Variants in BTLA observed in about 807,000 individuals in gnomAD.
BTLA encodes the protein B and T lymphocyte associated, also known as B- and T-lymphocyte attenuator.
Under a neutral mutation model 25.0 loss-of-function variants are expected in BTLA, and 11 were observed. The observed-to-expected ratio is 0.44, with a 90% CI of 0.28 to 0.73. The LOEUF is 0.73. Ranked by LOEUF, BTLA falls within the 30% of genes least tolerant of loss-of-function variation. The pLI, the probability that BTLA is intolerant of heterozygous loss-of-function variation, is 0.15. For missense variants in BTLA, 282 were observed against 332.8 expected, an observed-to-expected ratio of 0.85 and a Z score of 1.19; for synonymous variants, 104 against 119.8, an observed-to-expected ratio of 0.87 and a Z score of 0.86.
chr3:112,487,302 C>T (rs748913498), intron 1 of BTLA, among the ~76,000 whole-genome samples: 4 of 152,150 alleles, frequency 2.6e-5, no homozygotes, highest in African/African-American at 4.8e-5. Context: ...AAAAGGAAAC[C>T]GGCCGGGCGT....
intron 2 of BTLA, among the ~76,000 whole-genome samples, chr3:112,477,404 C>T (rs1298203310): frequency 6.6e-6 from 1 of 150,694 alleles, no homozygotes; most frequent in Admixed American, 6.6e-5. Context: ...AGTGGGTTTT[C>T]ACTGTGACTT....
intron 1 of BTLA, among the ~76,000 whole-genome samples, chr3:112,486,576 A>G (rs2082349177): frequency 6.6e-6 from 1 of 152,220 alleles, no homozygotes; most frequent in Admixed American, 6.5e-5. Context: ...CTGATATAAT[A>G]GTTTATGTAA....
intron 2 of BTLA, among the ~76,000 whole-genome samples, chr3:112,472,297 A>C (rs528154873): frequency 1.3e-5 from 2 of 152,122 alleles, no homozygotes; most frequent in East Asian, 3.9e-4. Context: ...AAACTTTTTT[A>C]TATTTGTGTG....
At chr3:112,498,329 C>A (rs547110973) in intron 1 of BTLA, among the ~76,000 whole-genome samples, 25 of 151,588 alleles carry the variant, frequency 1.6e-4, no homozygotes, top group Middle Eastern at 3.5e-3. Context: ...ATAAATTGAA[C>A]CCGGGAGGAA....
chr3:112,493,251 A>G (rs1203438295), intron 1 of BTLA, among the ~76,000 whole-genome samples: 1 of 152,218 alleles, frequency 6.6e-6, no homozygotes, highest in Non-Finnish European at 1.5e-5. Context: ...AGAGTAGATA[A>G]TGCTTTTGGC....
intron 1 of BTLA, 74 bp downstream of exon 1, chr3:112,499,197 T>C (rs2082427913): frequency 7.4e-6 from 8 of 1,082,070 alleles, no homozygotes; most frequent in Non-Finnish European, 9.9e-6. Flanking sequence ...CCGTACTAAG[T>C]TCAGCAAGGG....
At position 112,479,548 on chromosome 3, in the gene BTLA, G is replaced by T; in HGVS notation, c.310C>A (p.Pro104Thr). 7 of 1,613,998 alleles carry T rather than the reference G, an allele frequency of 4.3e-6. No homozygotes were observed. Among genetic ancestry groups the T allele is most frequent in the Non-Finnish European group, 5.9e-6 (7 of 1,179,884 alleles). The stretch of plus-strand genomic sequence containing the variant: ...GACCCATTGTCATTAGGAAGCACTG[G>T]TTCAAAATGTAGAATGAAAAATGAA... Reference protein sequence around the residue: ...NISFFILHFEPVLPNDNGSYR... With the variant: ...NISFFILHFETVLPNDNGSYR... The change falls in exon 2 of 5, where the codon CCA becomes ACA. Residue 104 changes from proline (P) to threonine (T), a missense_variant. Transcript: ENST00000334529.
At chr3:112,487,617 G>C (rs2082355602) in intron 1 of BTLA, among the ~76,000 whole-genome samples, 1 of 151,940 alleles carries the variant, frequency 6.6e-6, no homozygotes, top group Non-Finnish European at 1.5e-5. Flanking sequence ...ACTTTTAGTT[G>C]TTTTTAAATT....
intron 1 of BTLA, among the ~76,000 whole-genome samples, chr3:112,488,067 T>C (rs1323380478): frequency 6.6e-6 from 1 of 151,922 alleles, no homozygotes. Context: ...ATGTCTTCCA[T>C]ATTTGTTTCC....
At chr3:112,475,526 C>G (rs970698762) in intron 2 of BTLA, among the ~76,000 whole-genome samples, 2 of 152,172 alleles carry the variant, frequency 1.3e-5, no homozygotes, top group Non-Finnish European at 2.9e-5. Flanking sequence ...CACCTTTATG[C>G]ACTTTACAAA....
chr3:112,466,323 G>T lies in BTLA; in HGVS notation c.655C>A (p.Leu219Met), dbSNP rs2082226592. 2 of 1,613,654 alleles carry T rather than the reference G, an allele frequency of 1.2e-6. No individual in the cohort carries two copies. The highest frequency in any genetic ancestry group is 1.7e-6 in the Non-Finnish European group (2 of 1,179,760). ...TCATAAATTCCAGTTTCTGATAGCAGTACTTGGGAATTTTGCCTGGTGCTT... is the reference window on the plus strand; with the variant it reads ...TCATAAATTCCAGTTTCTGATAGCATTACTTGGGAATTTTGCCTGGTGCTT... Reference protein sequence around the residue: ...EASTRQNSQVLLSETGIYDND... With the variant: ...EASTRQNSQVMLSETGIYDND... Residue 219 changes from leucine to methionine, a missense_variant, in exon 5 of 5, where the codon CTG (leucine) becomes ATG (methionine). Leu to Met is a conservative substitution (Grantham distance 15). Coordinates refer to ENST00000334529, the MANE Select transcript of BTLA (RefSeq NM_181780.4).
chr3:112,492,610 C>T (rs2082386153), intron 1 of BTLA, among the ~76,000 whole-genome samples: 1 of 152,240 alleles, frequency 6.6e-6, no homozygotes, highest in East Asian at 1.9e-4. Context: ...ATCTCTAATA[C>T]ATTCTACCAC....
chr3:112,493,296 A>C (rs777841280), intron 1 of BTLA, among the ~76,000 whole-genome samples: 1 of 152,218 alleles, frequency 6.6e-6, no homozygotes, highest in Non-Finnish European at 1.5e-5. Flanking sequence ...CATAAATGCC[A>C]AAAGCAATTG....
At chr3:112,484,000 A>G (rs1367114904) in intron 1 of BTLA, among the ~76,000 whole-genome samples, 2 of 151,866 alleles carry the variant, frequency 1.3e-5, no homozygotes, top group African/African-American at 2.4e-5. Context: ...ACAACTTTGC[A>G]TGGGTCTGCA....
rs550002236 is a variant in BTLA, at chr3:112,479,214, T to C, written c.403+241A>G. On this transcript the variant is annotated intron_variant, in intron 2 of 4. Transcript: ENST00000334529. Reference sequence around the variant, plus strand: ...CTTATCAAATAAATTTTATAATCCCTAAAGTCAAAAACAATAACTTTTACT... The same window carrying C: ...CTTATCAAATAAATTTTATAATCCCCAAAGTCAAAAACAATAACTTTTACT... Among the ~76,000 whole-genome samples, 12 of 152,330 alleles carry C rather than the reference T, an allele frequency of 7.9e-5. No homozygotes were observed. The South Asian group carries it at 2.5e-3, about 32-fold the overall frequency.
chr3:112,498,628 A>G (rs115010648), intron 1 of BTLA, among the ~76,000 whole-genome samples: 1,428 of 129,204 alleles, frequency 0.011, 22 homozygotes, highest in African/African-American at 0.041. Context: ...GCTAAATATC[A>G]TCTTTGCAGA....
Position 112,466,347 on chromosome 3 carries a change from T to C in BTLA, c.631A>G (p.Ser211Gly). The C allele has an allele frequency of 6.2e-7, 1 of 1,612,618 alleles. No homozygotes were observed. The highest frequency in any genetic ancestry group is 1.1e-5 in the South Asian group (1 of 90,694). The change falls in exon 5 of 5, where the codon AGC (serine) becomes GGC (glycine). Residue 211 changes from serine (S) to glycine (G), a missense_variant. Physicochemically the swap from Ser to Gly is moderately conservative, Grantham distance 56 (BLOSUM62 0). Coordinates refer to ENST00000334529, the MANE Select transcript of BTLA (RefSeq NM_181780.4). ...AGTACTTGGGAATTTTGCCTGGTGCTTGCTTCTGTTTGCTCACTCTTAAGG... is the reference window on the plus strand; with the variant it reads ...AGTACTTGGGAATTTTGCCTGGTGCCTGCTTCTGTTTGCTCACTCTTAAGG... ...AHLKSEQTEA[S>G]TRQNSQVLLS...
chr3:112,484,341 A>G (rs2082334713), intron 1 of BTLA, among the ~76,000 whole-genome samples: 1 of 152,214 alleles, frequency 6.6e-6, no homozygotes, highest in Admixed American at 6.5e-5. Flanking sequence ...GATATTTATA[A>G]AGGGCACGGA....
At chr3:112,494,926 T>G (rs1237180038) in intron 1 of BTLA, among the ~76,000 whole-genome samples, 1 of 152,212 alleles carries the variant, frequency 6.6e-6, no homozygotes, top group African/African-American at 2.4e-5. Context: ...CAAGAGTAAT[T>G]TATAGAAGAC....
Sources: allele counts gnomAD v4.1 joint callset (sites outside exome capture counted in the v4.1 genomes callset), GRCh38; gene constraint gnomAD v4.1.1; transcripts MANE v1.5; gene names NCBI Gene and HGNC (gene_info 2026-07-23, HGNC 2026-07-21).